DHRSX: variants seen among roughly 807,000 people sequenced by gnomAD.
DHRSX encodes dehydrogenase/reductase X-linked.
In DHRSX, 31 loss-of-function variants were observed where a neutral mutation model predicts 34.0. That is an observed-to-expected ratio of 0.91 (90% CI 0.69 to 1.23). DHRSX has a LOEUF of 1.23. Among genes scored for constraint, DHRSX ranks in the 50% most tolerant of loss-of-function variants. DHRSX has a pLI of 0.00. For missense variants in DHRSX, 414 were observed against 428.1 expected (o/e 0.97, Z 0.29); for synonymous variants, 201 against 183.8 (o/e 1.09, Z -0.76).
chrX:2,438,283 A>G (rs1380271053), intron 1 of DHRSX, among the ~76,000 whole-genome samples: 1 of 147,518 alleles, frequency 6.8e-6, no homozygotes, highest in Non-Finnish European at 1.5e-5. Flanking sequence ...GGAGCTTCAT[A>G]TAGTTACACA....
chrX:2,346,653 TTTG>T (rs1556483987), intron 3 of DHRSX, among the ~76,000 whole-genome samples: 4 of 150,722 alleles, frequency 2.7e-5, no homozygotes, highest in African/African-American at 9.8e-5. Context: ...TGGTTTTTTT[TTTG>T]TTGTTGTTGT....
chrX:2,293,687 C>T (rs1404558244), intron 3 of DHRSX, among the ~76,000 whole-genome samples: 1 of 152,074 alleles, frequency 6.6e-6, no homozygotes, highest in African/African-American at 2.4e-5. Context: ...ATCTGCAGGG[C>T]TGCTGGTGGT....
intron 1 of DHRSX, among the ~76,000 whole-genome samples, chrX:2,445,266 A>T (rs1024700584): frequency 2.6e-5 from 4 of 152,192 alleles, no homozygotes. Flanking sequence ...TGCATGTCAG[A>T]AAAAGGAAAG....
intron 4 of DHRSX, among the ~76,000 whole-genome samples, chrX:2,270,314 T>C (rs1161742302): frequency 6.6e-6 from 1 of 152,104 alleles, no homozygotes; most frequent in Non-Finnish European, 1.5e-5. Context: ...CGTGGCCTTA[T>C]CGACCCAACT....
intron 2 of DHRSX, among the ~76,000 whole-genome samples, chrX:2,419,180 C>T (rs1379123245): frequency 2.6e-5 from 4 of 152,124 alleles, no homozygotes; most frequent in Non-Finnish European, 4.4e-5. Context: ...GGAGGCTTTG[C>T]GGGATGATTA....
rs772233594 is a variant in DHRSX, at chrX:2,249,175, C to CT, written c.597-5946dup. Among the ~76,000 whole-genome samples the CT allele has an allele frequency of 6.8e-5, 10 of 145,988 alleles. No individual in the cohort carries two copies. The South Asian group carries it at 2.2e-3, about 32-fold the overall frequency. On this transcript the variant is annotated intron_variant, in intron 5 of 6. Coordinates refer to ENST00000334651, the MANE Select transcript of DHRSX (RefSeq NM_145177.3). ...GCAACTTCACAACATGCAACTCAATCTTTAAAATCATAAATCTTTTTTTTT... is the reference window on the plus strand; with the variant it reads ...GCAACTTCACAACATGCAACTCAATCTTTTAAAATCATAAATCTTTTTTTTT...
chrX:2,346,717 G>A (rs2042719720), intron 3 of DHRSX, among the ~76,000 whole-genome samples: 1 of 151,604 alleles, frequency 6.6e-6, no homozygotes, highest in African/African-American at 2.4e-5. Flanking sequence ...GGTTACATAG[G>A]TATCCATGTG....
chrX:2,247,655 CAAAAA>C (rs752111695), intron 5 of DHRSX, among the ~76,000 whole-genome samples: 2 of 96,940 alleles, frequency 2.1e-5, no homozygotes, highest in Non-Finnish European at 4.2e-5. Context: ...CTCCGTCTCA[CAAAAA>C]AAAAAAAAAA....
Position 2,298,594 on chromosome X carries a change from G to A in DHRSX, c.287-6991C>T, listed in dbSNP as rs770739505. ...GTGGAACAGCAGTTCTCCTGCAGGC[G>A]CGTGTGTACACACACACACACACAC... On this transcript the variant is annotated intron_variant, in intron 3 of 6. Transcript: ENST00000334651. Among the ~76,000 whole-genome samples, 17 of 90,940 alleles carry A rather than the reference G, an allele frequency of 1.9e-4. No homozygotes were observed. The South Asian group carries it at 3.6e-3, about 20-fold the overall frequency. The allele number at this position is 90,940 out of a possible 152,430, so 59.7% of individuals were successfully genotyped here.
intron 5 of DHRSX, among the ~76,000 whole-genome samples, chrX:2,247,859 C>T: frequency 6.6e-6 from 1 of 152,188 alleles, no homozygotes; most frequent in Admixed American, 6.5e-5. Flanking sequence ...ACCCATTTCG[C>T]CCCAAGGGCA....
intron 3 of DHRSX, among the ~76,000 whole-genome samples, chrX:2,362,521 G>A (rs189195562): frequency 7.2e-4 from 109 of 152,284 alleles, no homozygotes; most frequent in Middle Eastern, 3.4e-3. Context: ...GACTGGCCTC[G>A]AAATCCTGAC....
chrX:2,265,199 C>G (rs1385917349), intron 5 of DHRSX, among the ~76,000 whole-genome samples: 1 of 66,874 alleles, frequency 1.5e-5, no homozygotes, highest in Non-Finnish European at 3.1e-5. Context: ...AGCACCAGTG[C>G]TCAGCAGACG....
chrX:2,481,748 G>A (rs895477546), intron 1 of DHRSX, among the ~76,000 whole-genome samples: 11 of 152,046 alleles, frequency 7.2e-5, no homozygotes, highest in South Asian at 4.1e-4. Context: ...CTCACAAAGC[G>A]GCGAGTGTTC....
intron 3 of DHRSX, among the ~76,000 whole-genome samples, chrX:2,297,770 T>TC (rs1280532119): frequency 3.3e-5 from 5 of 150,740 alleles, no homozygotes; most frequent in African/African-American, 1.2e-4. Flanking sequence ...GAGTTTTTTT[T>TC]TTTTGACAAA....
At position 2,219,708 on chromosome X, in the gene DHRSX, T is replaced by G. The variant is rs2015483025; in HGVS notation, c.*1333A>C. 6.6e-6 allele frequency: 1 copy of G among 152,134 alleles called. No homozygotes were observed. Among genetic ancestry groups the G allele is most frequent in the Non-Finnish European group, 1.5e-5 (1 of 68,032 alleles). 9.4% of individuals were successfully genotyped at this position (152,134 alleles called of 1,614,324 possible). Reference sequence around the variant, plus strand: ...CAGGAGCCTGGATTTGAATAGTCAGTGGGATTTTGTCACTTAGTGGAATGG... The same window carrying G: ...CAGGAGCCTGGATTTGAATAGTCAGGGGGATTTTGTCACTTAGTGGAATGG... On this transcript the variant is annotated 3_prime_UTR_variant, in exon 7 of 7. Transcript: ENST00000334651.
intron 3 of DHRSX, among the ~76,000 whole-genome samples, chrX:2,335,372 G>A (rs2042543791): frequency 6.6e-6 from 1 of 151,848 alleles, no homozygotes; most frequent in Non-Finnish European, 1.5e-5. Flanking sequence ...AGAAACACGG[G>A]GACGACTCGA....
intron 5 of DHRSX, among the ~76,000 whole-genome samples, chrX:2,265,052 G>C: frequency 6.7e-6 from 1 of 149,796 alleles, no homozygotes; most frequent in African/African-American, 2.5e-5. Flanking sequence ...AGCAGACACA[G>C]GGAGCACTGT....
chrX:2,456,956 G>C (rs1213932666), intron 1 of DHRSX, among the ~76,000 whole-genome samples: 2 of 151,942 alleles, frequency 1.3e-5, no homozygotes, highest in African/African-American at 4.8e-5. Flanking sequence ...TGCAGGAGAA[G>C]GAATGAATGG....
chrX:2,310,600 A>G (rs1200843282), intron 3 of DHRSX, among the ~76,000 whole-genome samples: 9 of 150,878 alleles, frequency 6.0e-5, no homozygotes, highest in African/African-American at 1.9e-4. Context: ...GAAAATAAGC[A>G]AGAGAGAGGA....
Sources: allele counts gnomAD v4.1 joint callset (sites outside exome capture counted in the v4.1 genomes callset), GRCh38; gene constraint gnomAD v4.1.1; transcripts MANE v1.5; gene names NCBI Gene and HGNC (gene_info 2026-07-23, HGNC 2026-07-21).